Variants in CNGA3 observed in about 807,000 individuals in gnomAD.
CNGA3 encodes the protein cyclic nucleotide-gated channel alpha-3.
CNGA3 carries 42 observed loss-of-function variants against 46.6 expected under a neutral mutation model. That is an observed-to-expected ratio of 0.90 (90% CI 0.70 to 1.17). CNGA3 has a LOEUF of 1.17. Among genes scored for constraint, CNGA3 ranks in the 50% most tolerant of loss-of-function variants. The pLI is 0.00. For missense variants in CNGA3, 893 were observed against 890.7 expected (o/e 1.00, Z -0.03); for synonymous variants, 394 against 369.4 (o/e 1.07, Z -0.76).
intron 1 of CNGA3, chr2:98,355,989 C>G (rs999914686): frequency 6.6e-6 from 1 of 152,202 alleles, no homozygotes; most frequent in African/African-American, 2.4e-5. Flanking sequence ...GGCCTCTTTG[C>G]CGGCTGTAGG....
intron 1 of CNGA3, among the ~76,000 whole-genome samples, chr2:98,359,077 G>A (rs1691960229): frequency 6.6e-6 from 1 of 152,202 alleles, no homozygotes; most frequent in Non-Finnish European, 1.5e-5. Flanking sequence ...AGGGCAAAAG[G>A]GAAAGAGGAC....
intron 1 of CNGA3, among the ~76,000 whole-genome samples, chr2:98,356,526 A>G (rs1558803150): frequency 6.6e-6 from 1 of 152,150 alleles, no homozygotes. Flanking sequence ...GACCCGCCAA[A>G]CCCTGGCTGA....
At chr2:98,347,481 G>A (rs1691661210) in intron 1 of CNGA3, among the ~76,000 whole-genome samples, 1 of 152,220 alleles carries the variant, frequency 6.6e-6, no homozygotes, top group Non-Finnish European at 1.5e-5. Context: ...TTCTCCCTGT[G>A]TAATCTCCCT....
At chr2:98,389,537 G>A (rs771203530) in intron 5 of CNGA3, 121 bp from the exon 6 acceptor site, 1 of 849,478 alleles carries the variant, frequency 1.2e-6, no homozygotes, top group Admixed American at 1.7e-5. Flanking sequence ...AGACTAAGAG[G>A]ACCCTGTTGT....
chr2:98,379,942 G>A, intron 3 of CNGA3: 4 of 592,826 alleles, frequency 6.7e-6, no homozygotes, highest in East Asian at 2.8e-5. Context: ...GGGGAAGCCT[G>A]CCCCTGACTG....
intron 1 of CNGA3, among the ~76,000 whole-genome samples, chr2:98,364,775 G>A (rs957028699): frequency 6.6e-6 from 1 of 152,158 alleles, no homozygotes; most frequent in African/African-American, 2.4e-5. Context: ...TCCATAGTTA[G>A]TGTTTCCTTC....
chr2:98,361,497 G>T (rs1347924023), intron 1 of CNGA3, among the ~76,000 whole-genome samples: 1 of 152,034 alleles, frequency 6.6e-6, no homozygotes, highest in Admixed American at 6.6e-5. Flanking sequence ...ACATATGCAT[G>T]CCTGTATCTT....
intron 5 of CNGA3, among the ~76,000 whole-genome samples, chr2:98,384,558 A>G (rs1323432757): frequency 6.6e-6 from 1 of 152,216 alleles, no homozygotes; most frequent in Non-Finnish European, 1.5e-5. Context: ...AAATTTGGAC[A>G]TCAAATCCAG....
chr2:98,367,764 A>G (rs1692196748), intron 1 of CNGA3, among the ~76,000 whole-genome samples: 1 of 152,034 alleles, frequency 6.6e-6, no homozygotes, highest in Non-Finnish European at 1.5e-5. Flanking sequence ...CCCACTTGCT[A>G]TCACTACCAC....
chr2:98,371,275 C>G (rs1355962113), intron 2 of CNGA3, among the ~76,000 whole-genome samples: 4 of 152,180 alleles, frequency 2.6e-5, no homozygotes. Flanking sequence ...CCCCAAAATG[C>G]AGTAACATCC....
intron 1 of CNGA3, among the ~76,000 whole-genome samples, chr2:98,357,573 G>T (rs541804048): frequency 6.6e-6 from 1 of 152,300 alleles, no homozygotes; most frequent in South Asian, 2.1e-4. Context: ...CAATGGCAGA[G>T]ATCTGTCTTC....
intron 1 of CNGA3, chr2:98,350,803 AG>A (rs1218650623): frequency 2.6e-5 from 4 of 152,206 alleles, no homozygotes; most frequent in African/African-American, 9.6e-5. Flanking sequence ...GAAACTTTGC[AG>A]CTGACATTTG....
chr2:98,386,941 C>T (rs781164189), intron 5 of CNGA3, among the ~76,000 whole-genome samples: 1 of 152,172 alleles, frequency 6.6e-6, no homozygotes, highest in Non-Finnish European at 1.5e-5. Context: ...GGATGGCAGC[C>T]CTGTCAACAC....
At chr2:98,391,124 C>T (rs1262085737) in intron 6 of CNGA3, among the ~76,000 whole-genome samples, 1 of 152,188 alleles carries the variant, frequency 6.6e-6, no homozygotes, top group Non-Finnish European at 1.5e-5. Context: ...GGGATGCCAT[C>T]CACATGGAAG....
chr2:98,371,065 T>C (rs1386996643), intron 2 of CNGA3, among the ~76,000 whole-genome samples: 4 of 152,200 alleles, frequency 2.6e-5, no homozygotes, highest in Non-Finnish European at 5.9e-5. Flanking sequence ...CCTCAGGTGA[T>C]CCACCTGCCT....
intron 1 of CNGA3, among the ~76,000 whole-genome samples, chr2:98,367,142 T>C (rs539101921): frequency 7.3e-5 from 11 of 149,958 alleles, no homozygotes; most frequent in Non-Finnish European, 1.5e-4. Context: ...TTCATTCTCC[T>C]TGGTGAGAAC....
intron 2 of CNGA3, chr2:98,377,303 T>C: frequency 4.7e-6 from 1 of 213,824 alleles, no homozygotes. Context: ...TGAAATTCAG[T>C]AGGCGAGAAG....
At chr2:98,380,383 C>T in intron 4 of CNGA3, 29 bp downstream of exon 4, 1 of 1,601,044 alleles carries the variant, frequency 6.2e-7, no homozygotes, top group Non-Finnish European at 8.5e-7. Context: ...GAAGGGGCCT[C>T]TGGTGCCTGC....
chr2:98,388,708 C>T (rs960497816), intron 5 of CNGA3, among the ~76,000 whole-genome samples: 1 of 152,252 alleles, frequency 6.6e-6, no homozygotes, highest in Admixed American at 6.5e-5. Context: ...AGTGGGCCGG[C>T]CACACGTAGG....
Sources: allele counts gnomAD v4.1 joint callset (sites outside exome capture counted in the v4.1 genomes callset), GRCh38; gene constraint gnomAD v4.1.1; transcripts MANE v1.5; gene names NCBI Gene and HGNC (gene_info 2026-07-23, HGNC 2026-07-21).